Variants in CRTAP observed in about 807,000 individuals in gnomAD.
The protein encoded by CRTAP is cartilage-associated protein.
Under a neutral mutation model 42.7 loss-of-function variants are expected in CRTAP, and 33 were observed. The observed-to-expected ratio is 0.77, with a 90% CI of 0.59 to 1.03. The LOEUF (loss-of-function observed/expected upper bound fraction) is 1.03, where lower values mean the gene tolerates loss of function less well. Among genes scored for constraint, CRTAP ranks in the 50% least tolerant of loss-of-function variants. The pLI is 0.00. For synonymous variants in CRTAP, 243 were observed against 217.7 expected, an observed-to-expected ratio of 1.12 and a Z score of -1.02; for missense variants, 613 against 533.9, an observed-to-expected ratio of 1.15 and a Z score of -1.46.
chr3:33,134,738 T>G (rs1382397410), intron 6 of CRTAP, among the ~76,000 whole-genome samples: 1 of 152,226 alleles, frequency 6.6e-6, no homozygotes, highest in Non-Finnish European at 1.5e-5. Context: ...TTTCTGACCC[T>G]GACTCAACTG....
chr3:33,126,649 G>T (rs552628357), intron 3 of CRTAP, among the ~76,000 whole-genome samples: 88 of 152,332 alleles, frequency 5.8e-4, no homozygotes, highest in African/African-American at 2.1e-3. Context: ...TCTGAGACAA[G>T]TCTCAATCAA....
At position 33,130,050 on chromosome 3, in the gene CRTAP, A is replaced by C. The variant is rs761845466; in HGVS notation, c.905A>C (p.Gln302Pro). The C allele has an allele frequency of 2.5e-6, 4 of 1,613,716 alleles. No individual in the cohort carries two copies. In the African/African-American group the frequency reaches 5.3e-5, roughly 22 times the overall value. ...KFVATMYHYL[Q>P]FAYYKLNDLK... is the part of the protein sequence containing the mutation. ...GTGGCTACCATGTATCATTACTTGCAGTTTGCCTATTATAAGTGTAAGTAA... is the reference window on the plus strand; with the variant it reads ...GTGGCTACCATGTATCATTACTTGCCGTTTGCCTATTATAAGTGTAAGTAA... The change falls in exon 4 of 7, where the codon CAG becomes CCG. Residue 302 changes from glutamine to proline, a missense_variant. Coordinates refer to ENST00000320954, the MANE Select transcript of CRTAP (RefSeq NM_006371.5).
chr3:33,128,621 G>A (rs928191398), intron 3 of CRTAP, among the ~76,000 whole-genome samples: 2 of 152,116 alleles, frequency 1.3e-5, no homozygotes, highest in Admixed American at 1.3e-4. Context: ...TTTTTTGTTG[G>A]TGATGGTAGT....
rs764835791 is a variant in CRTAP at position 33,114,153 on chromosome 3, G to T, written c.76G>T (p.Ala26Ser). 1.2e-5 allele frequency: 19 copies of T among 1,583,274 alleles called. No individual in the cohort carries two copies. Among genetic ancestry groups the T allele is most frequent in the African/African-American group, 8.3e-5 (6 of 72,354 alleles). Residue 26 changes from alanine (A) to serine (S), a missense_variant, in exon 1 of 7, where the codon GCC becomes TCC. Ala to Ser is a moderately conservative substitution (Grantham distance 99). Transcript: ENST00000320954. ...GGCCTGCGCGCTGCGCGCCGGGCGC[G>T]CCCAATACGAACGCTACAGCTTCCG... ...CVACALRAGR[A>S]QYERYSFRSF...
At chr3:33,115,758 T>G (rs192533711) in intron 1 of CRTAP, among the ~76,000 whole-genome samples, 1 of 152,286 alleles carries the variant, frequency 6.6e-6, no homozygotes, top group Admixed American at 6.5e-5. Context: ...AAGATCTGTT[T>G]TTTCAGATTT....
chr3:33,146,333 GC>G lies in CRTAP; in HGVS notation c.*3888del, dbSNP rs1450914198. ...GGTTCTGCAGGCTGGTGGGGAGGCCGCCCATCGTGGTGGGGCATCTGTCCAG... is the reference window on the plus strand; with the variant it reads ...GGTTCTGCAGGCTGGTGGGGAGGCCGCCATCGTGGTGGGGCATCTGTCCAG... On this transcript the variant is annotated 3_prime_UTR_variant, in exon 7 of 7. Coordinates refer to ENST00000320954, the MANE Select transcript of CRTAP (RefSeq NM_006371.5). 1 of 152,382 alleles carries G rather than the reference GC, an allele frequency of 6.6e-6. No individual in the cohort carries two copies. The highest frequency in any genetic ancestry group is 1.5e-5 in the Non-Finnish European group (1 of 68,170). The allele number at this position is 152,382 out of a possible 1,614,324, so 9.4% of individuals were successfully genotyped here.
In CRTAP at chr3:33,142,685, C is replaced by T. The variant is rs1385028991; in HGVS notation, c.*237C>T. 1.6e-5 allele frequency: 8 copies of T among 492,626 alleles called. No homozygotes were observed. Among genetic ancestry groups the T allele is most frequent in the East Asian group, 1.5e-4 (4 of 27,370 alleles). 30.5% of individuals were successfully genotyped at this position (492,626 alleles called of 1,614,324 possible). A position where few individuals can be genotyped will look rare whatever the true frequency, so the allele number is the denominator to read the frequency against. Reference sequence around the variant, plus strand: ...TCACCTTTTTTTTGAGATGGAGTCTCGCTCTCTTGCCCAGGCTGGAGTGCA... The same window carrying T: ...TCACCTTTTTTTTGAGATGGAGTCTTGCTCTCTTGCCCAGGCTGGAGTGCA... On this transcript the variant is annotated 3_prime_UTR_variant, in exon 7 of 7. Coordinates refer to ENST00000320954, the MANE Select transcript of CRTAP (RefSeq NM_006371.5).
At chr3:33,138,543 G>A (rs557533679) in intron 6 of CRTAP, among the ~76,000 whole-genome samples, 14 of 152,002 alleles carry the variant, frequency 9.2e-5, no homozygotes, top group African/African-American at 2.9e-4. Flanking sequence ...AAATGAAATT[G>A]TTTTCTTATT....
intron 6 of CRTAP, among the ~76,000 whole-genome samples, chr3:33,138,192 G>A (rs369437217): frequency 6.6e-5 from 10 of 152,024 alleles, no homozygotes; most frequent in South Asian, 4.2e-4. Context: ...GTCCTCCAAC[G>A]TTGTTCTTCT....
Position 33,143,495 on chromosome 3 carries a change from ATATT to A in CRTAP, c.*1052_*1055del, listed in dbSNP as rs1156474573. Reference sequence around the variant, plus strand: ...CTAGTTTCATTCATTCTTTCAGTAAATATTTATTGAGTACCTACTGTGTGCTAGG... The same window carrying A: ...CTAGTTTCATTCATTCTTTCAGTAAATATTGAGTACCTACTGTGTGCTAGG... On this transcript the variant is annotated 3_prime_UTR_variant, in exon 7 of 7. Transcript: ENST00000320954. 6.6e-6 allele frequency: 1 copy of A among 152,062 alleles called. No individual in the cohort carries two copies. Among genetic ancestry groups the A allele is most frequent in the East Asian group, 1.9e-4 (1 of 5,204 alleles). 9.4% of individuals were successfully genotyped at this position (152,062 alleles called of 1,614,324 possible).
intron 6 of CRTAP, among the ~76,000 whole-genome samples, chr3:33,141,522 G>T (rs1380365082): frequency 6.6e-6 from 1 of 152,180 alleles, no homozygotes; most frequent in African/African-American, 2.4e-5. Flanking sequence ...AAATTTCTCT[G>T]TGTTAAAACA....
At chr3:33,123,454 G>T (rs1029144561) in intron 2 of CRTAP, among the ~76,000 whole-genome samples, 2 of 76,720 alleles carry the variant, frequency 2.6e-5, no homozygotes, top group South Asian at 7.9e-4. Context: ...ACACCTCCCC[G>T]CTCTCTTCCT....
chr3:33,116,706 G>C (rs146625284), intron 1 of CRTAP, among the ~76,000 whole-genome samples: 1 of 152,236 alleles, frequency 6.6e-6, no homozygotes, highest in African/African-American at 2.4e-5. Context: ...GCAGGAAAAA[G>C]CTAAGAATTT....
chr3:33,135,627 T>C lies in CRTAP; in HGVS notation c.1152+1362T>C, dbSNP rs560662022. 2.6e-5 allele frequency among the ~76,000 whole-genome samples: 4 copies of C among 151,100 alleles called. No homozygotes were observed. The East Asian group carries it at 7.8e-4, about 29-fold the overall frequency. On this transcript the variant is annotated intron_variant, in intron 6 of 6. Coordinates refer to ENST00000320954, the MANE Select transcript of CRTAP (RefSeq NM_006371.5). ...GCCTCAAAAAAAAAAAAAAGGAAAG[T>C]ATAGAAAAATATATTTAGAAAAGGT...
chr3:33,124,742 CCT>C (rs2030011502), intron 3 of CRTAP, among the ~76,000 whole-genome samples, 163 bp downstream of exon 3: 1 of 152,202 alleles, frequency 6.6e-6, no homozygotes, highest in Non-Finnish European at 1.5e-5. Context: ...CATAGATAAA[CCT>C]TTGACTTGGC....
chr3:33,127,361 A>C (rs1175934905), intron 3 of CRTAP, among the ~76,000 whole-genome samples: 1 of 152,048 alleles, frequency 6.6e-6, no homozygotes, highest in Non-Finnish European at 1.5e-5. Flanking sequence ...AGATTCACCA[A>C]TTTGTAACAT....
rs886058362 is a variant in CRTAP at position 33,144,690 on chromosome 3, A to C, written c.*2242A>C. 3 of 152,238 alleles carry C rather than the reference A, an allele frequency of 2.0e-5. No homozygotes were observed. The highest frequency in any genetic ancestry group is 4.4e-5 in the Non-Finnish European group (3 of 68,066). 9.4% of individuals were successfully genotyped at this position (152,238 alleles called of 1,614,324 possible). On this transcript the variant is annotated 3_prime_UTR_variant, in exon 7 of 7. Coordinates refer to ENST00000320954, the MANE Select transcript of CRTAP (RefSeq NM_006371.5). ...CCCCCTACTGAACCATCAGCATGTC[A>C]GTGGCATTTAAAGCCATGCAGCTGG... is the stretch of plus-strand genomic sequence containing the variant.
intron 3 of CRTAP, 121 bp from the exon 4 acceptor site, chr3:33,129,818 T>TA (rs2030195971): frequency 1.1e-6 from 1 of 933,752 alleles, no homozygotes; most frequent in East Asian, 2.8e-5. Flanking sequence ...ATTACAGGCG[T>TA]GAGCCACCGC....
intron 2 of CRTAP, among the ~76,000 whole-genome samples, chr3:33,123,752 C>T (rs746410674): frequency 1.3e-5 from 2 of 151,156 alleles, no homozygotes; most frequent in African/African-American, 2.4e-5. Flanking sequence ...GCCTCAGCCT[C>T]GTGAGTAGCT....
Sources: gnomAD v4.1 joint callset for allele counts (sites outside exome capture counted in the v4.1 genomes callset) on GRCh38, gnomAD v4.1.1 for gene constraint, MANE v1.5 for transcripts, NCBI Gene and HGNC (gene_info 2026-07-23, HGNC 2026-07-21) for gene names.